Variants in REV3L observed in about 807,000 individuals in gnomAD.
The protein encoded by REV3L is DNA polymerase zeta catalytic subunit.
Under a neutral mutation model 299.4 loss-of-function variants are expected in REV3L, and 69 were observed. The ratio of observed to expected loss-of-function variants is 0.23; its 90% confidence interval spans 0.19 to 0.28. REV3L has a LOEUF of 0.28. Ranked by LOEUF, REV3L falls within the 10% of genes least tolerant of loss-of-function variation. The pLI is 1.00. For missense variants in REV3L, 3,128 were observed against 3,693.8 expected (o/e 0.85, Z 3.97); for synonymous variants, 1,238 against 1,271.4 (o/e 0.97, Z 0.56).
intron 27 of REV3L, among the ~76,000 whole-genome samples, chr6:111,314,967 C>A (rs1257138450): frequency 6.6e-6 from 1 of 151,110 alleles, no homozygotes; most frequent in Non-Finnish European, 1.5e-5. Context: ...CCTCCTACTT[C>A]AGCCTCTGGA....
At chr6:111,386,337 T>C (rs1781340130) in intron 9 of REV3L, among the ~76,000 whole-genome samples, 1 of 152,166 alleles carries the variant, frequency 6.6e-6, no homozygotes. Flanking sequence ...GTTATAATGT[T>C]GACATAAAGA....
intron 1 of REV3L, among the ~76,000 whole-genome samples, chr6:111,421,697 T>A (rs779248257): frequency 1.3e-5 from 2 of 151,974 alleles, no homozygotes; most frequent in African/African-American, 4.8e-5. Context: ...GAAATACTCA[T>A]TGTGTAATTT....
At chr6:111,416,860 T>TG (rs1784822285) in intron 1 of REV3L, among the ~76,000 whole-genome samples, 1 of 152,222 alleles carries the variant, frequency 6.6e-6, no homozygotes, top group Admixed American at 6.5e-5. Context: ...AATCAATGAA[T>TG]GCCTGTCTTG....
intron 25 of REV3L, among the ~76,000 whole-genome samples, chr6:111,324,551 T>G (rs80102012): frequency 0.031 from 4,658 of 152,304 alleles, 213 homozygotes; most frequent in African/African-American, 0.11. Context: ...TACTTACAAG[T>G]ATATACTCGA....
chr6:111,380,807 C>T (rs1780756737), intron 10 of REV3L, among the ~76,000 whole-genome samples: 1 of 152,226 alleles, frequency 6.6e-6, no homozygotes, highest in Non-Finnish European at 1.5e-5. Context: ...CAGCTCAGCA[C>T]TGTCAGCCCC....
chr6:111,470,659 T>A (rs1228215872), intron 1 of REV3L, among the ~76,000 whole-genome samples: 2 of 152,198 alleles, frequency 1.3e-5, no homozygotes, highest in Admixed American at 1.3e-4. Context: ...AATTTGGATA[T>A]CTTTCTAATG....
chr6:111,355,365 T>C (rs1777985474), intron 18 of REV3L, among the ~76,000 whole-genome samples: 1 of 152,156 alleles, frequency 6.6e-6, no homozygotes, highest in Non-Finnish European at 1.5e-5. Context: ...TTAAGCAACT[T>C]ATTCAAGACA....
intron 1 of REV3L, among the ~76,000 whole-genome samples, chr6:111,424,212 T>A (rs1412827390): frequency 6.6e-6 from 1 of 152,184 alleles, no homozygotes; most frequent in Non-Finnish European, 1.5e-5. Flanking sequence ...GAAAATTTGA[T>A]AATATAAACA....
rs1780260400 is a variant in REV3L, at chr6:111,375,930, T to G, written c.2425A>C (p.Thr809Pro). ...FPSVVLSNCL[T>P]RPQKLSPVTY... Reference sequence around the variant, plus strand: ...ACAGGAGATAGTTTCTGTGGTCTAGTAAGACAGTTAGAAAGAACAACACTG... The same window carrying G: ...ACAGGAGATAGTTTCTGTGGTCTAGGAAGACAGTTAGAAAGAACAACACTG... The change falls in exon 13 of 32, where the codon ACT becomes CCT. Residue 809 changes from threonine (T) to proline (P), a missense_variant. Coordinates refer to ENST00000368802, the MANE Select transcript of REV3L (RefSeq NM_001372078.1). 6.2e-7 allele frequency: 1 copy of G among 1,614,010 alleles called. No individual in the cohort carries two copies. Among genetic ancestry groups the G allele is most frequent in the Admixed American group, 1.7e-5 (1 of 60,018 alleles).
intron 4 of REV3L, among the ~76,000 whole-genome samples, chr6:111,402,030 C>T (rs181360718): frequency 1.3e-5 from 2 of 152,218 alleles, no homozygotes; most frequent in African/African-American, 2.4e-5. Flanking sequence ...GGGAGGATGG[C>T]TTGAGCCCAG....
At chr6:111,385,847 G>C (rs1020127972) in intron 9 of REV3L, among the ~76,000 whole-genome samples, 8 of 152,062 alleles carry the variant, frequency 5.3e-5, no homozygotes, top group African/African-American at 1.9e-4. Context: ...GGCCTTTAAA[G>C]ATGCTCAAAT....
At chr6:111,440,162 G>T (rs1788088725) in intron 1 of REV3L, among the ~76,000 whole-genome samples, 1 of 152,132 alleles carries the variant, frequency 6.6e-6, no homozygotes, top group Non-Finnish European at 1.5e-5. Flanking sequence ...CGCCTCCGGG[G>T]TTCAAGTGAT....
intron 9 of REV3L, among the ~76,000 whole-genome samples, chr6:111,385,511 C>G (rs2128249438): frequency 6.6e-6 from 1 of 152,176 alleles, no homozygotes; most frequent in South Asian, 2.1e-4. Context: ...AGAAAATTTT[C>G]ATTACATCAG....
intron 31 of REV3L, among the ~76,000 whole-genome samples, chr6:111,301,745 AAG>A (rs918505097): frequency 6.6e-5 from 10 of 152,328 alleles, no homozygotes; most frequent in Admixed American, 3.3e-4. Context: ...AATTTTTAAA[AAG>A]AGAAGCACTA....
intron 4 of REV3L, among the ~76,000 whole-genome samples, chr6:111,396,247 A>C (rs1301625453): frequency 1.3e-5 from 2 of 151,886 alleles, no homozygotes; most frequent in Non-Finnish European, 2.9e-5. Flanking sequence ...GGATGGTCTC[A>C]AACTCCTGGG....
intron 21 of REV3L, among the ~76,000 whole-genome samples, chr6:111,342,667 CAA>C (rs35815203): frequency 5.7e-5 from 7 of 122,862 alleles, no homozygotes; most frequent in Admixed American, 1.6e-4. Flanking sequence ...GACTCTGTCT[CAA>C]AAAAAAAAAA....
At position 111,329,641 on chromosome 6, in the gene REV3L, C is replaced by T. The variant is rs751897494; in HGVS notation, c.8132G>A (p.Arg2711Lys). ...CGCATCAAGCATTCGTGACAGGGCT[C>T]TGTCTTGCTTGTAAGCCTTCATTGA... Reference protein sequence around the residue: ...KQSMKAYKQDRALSRMLDARQ... With the variant: ...KQSMKAYKQDKALSRMLDARQ... The change falls in exon 25 of 32, where the codon AGA (arginine) becomes AAA (lysine). Residue 2711 changes from arginine (R) to lysine (K), a missense_variant. Arg to Lys is a conservative substitution (Grantham distance 26, BLOSUM62 2). Transcript: ENST00000368802. The T allele has an allele frequency of 8.1e-6, 13 of 1,614,018 alleles. No individual in the cohort carries two copies. Among genetic ancestry groups the T allele is most frequent in the Non-Finnish European group, 1.1e-5 (13 of 1,180,044 alleles).
intron 15 of REV3L, 124 bp from the exon 16 acceptor site, chr6:111,364,102 A>C: frequency 4.7e-6 from 6 of 1,284,590 alleles, no homozygotes; most frequent in Non-Finnish European, 6.3e-6. Flanking sequence ...AACTAATATC[A>C]TCTCTAAGTT....
At chr6:111,300,269 T>G (rs1048544315) in intron 31 of REV3L, 113 bp from the exon 32 acceptor site, 2 of 736,790 alleles carry the variant, frequency 2.7e-6, no homozygotes, top group Non-Finnish European at 4.1e-6. Flanking sequence ...CTGGCAGACA[T>G]ACATTACAGA....
Sources: allele counts gnomAD v4.1 joint callset (sites outside exome capture counted in the v4.1 genomes callset), GRCh38; gene constraint gnomAD v4.1.1; transcripts MANE v1.5; gene names NCBI Gene and HGNC (gene_info 2026-07-23, HGNC 2026-07-21).